Variants in MMP26 observed in about 807,000 individuals in gnomAD.
MMP26 encodes matrix metallopeptidase 26.
Under a neutral mutation model 31.0 loss-of-function variants are expected in MMP26, and 33 were observed. The ratio of observed to expected loss-of-function variants is 1.06; its 90% CI spans 0.81 to 1.42. The LOEUF is 1.42. MMP26 is among the 40% of genes most tolerant of loss of function. MMP26 has a pLI of 0.00. For synonymous variants in MMP26, 122 were observed against 114.9 expected, an observed-to-expected ratio of 1.06 and a Z score of -0.40; for missense variants, 347 against 316.1, an observed-to-expected ratio of 1.10 and a Z score of -0.74.
intron 2 of MMP26, among the ~76,000 whole-genome samples, chr11:4,933,564 T>TG (rs1554892113): frequency 0.046 from 620 of 13,562 alleles, 3 homozygotes; most frequent in African/African-American, 0.075. Flanking sequence ...TTGTTTGTTT[T>TG]GTTTTTTTTA....
chr11:4,967,151 A>G (rs1419353680), intron 2 of MMP26, among the ~76,000 whole-genome samples: 1 of 152,212 alleles, frequency 6.6e-6, no homozygotes, highest in Non-Finnish European at 1.5e-5. Context: ...AGAAGGGTAG[A>G]AGAAAAATTG....
chr11:4,949,148 T>G (rs1371943306), intron 2 of MMP26, among the ~76,000 whole-genome samples: 1 of 124,724 alleles, frequency 8.0e-6, no homozygotes, highest in Non-Finnish European at 1.8e-5. Flanking sequence ...AGTAGCTTAT[T>G]AAATACTTGT....
intron 2 of MMP26, chr11:4,946,179 A>T: frequency 6.2e-7 from 1 of 1,613,950 alleles, no homozygotes; most frequent in Non-Finnish European, 8.5e-7. Context: ...CGTTGACACA[A>T]TTTTGCTACA....
chr11:4,841,806 G>T (rs1849800303), intron 2 of MMP26, among the ~76,000 whole-genome samples: 1 of 152,118 alleles, frequency 6.6e-6, no homozygotes, highest in African/African-American at 2.4e-5. Context: ...GTTTGTGCGT[G>T]CCTGTAATCC....
rs146180954 is a variant in MMP26 at position 4,852,923 on chromosome 11, T to C, written c.-145+85582T>C. On this transcript the variant is annotated intron_variant, in intron 2 of 7. Transcript: ENST00000380390. ...CAACAGCATGGATAAATATGGAGGA[T>C]ATTATGCCAAGTGAAATAAGTCAGA... Among the ~76,000 whole-genome samples the C allele has an allele frequency of 1.4e-3, 216 of 152,288 alleles. 2 individuals are homozygous for C. Among genetic ancestry groups the C allele is most frequent in the African/African-American group, 4.9e-3 (203 of 41,564 alleles).
chr11:4,775,360 T>C (rs1381663472), intron 2 of MMP26, among the ~76,000 whole-genome samples: 4 of 152,210 alleles, frequency 2.6e-5, no homozygotes, highest in African/African-American at 9.6e-5. Flanking sequence ...GTTAATTGTA[T>C]TCCTAGATAT....
chr11:4,736,613 G>T (rs1848243872), intron 1 of MMP26: 3 of 152,192 alleles, frequency 2.0e-5, no homozygotes, highest in Non-Finnish European at 2.9e-5. Flanking sequence ...TGTTTAAGAA[G>T]TAGGGCCAGA....
chr11:4,959,818 C>G, intron 2 of MMP26, among the ~76,000 whole-genome samples: 1 of 152,168 alleles, frequency 6.6e-6, no homozygotes, highest in Admixed American at 6.5e-5. Flanking sequence ...TATACTCATA[C>G]TCTCACAATA....
At chr11:4,937,960 C>A (rs1175560704) in intron 2 of MMP26, 1 of 152,150 alleles carries the variant, frequency 6.6e-6, no homozygotes, top group East Asian at 1.9e-4. Flanking sequence ...AGAGGCTTCA[C>A]TGACTGTAAA....
At chr11:4,906,499 T>C (rs1564804109) in intron 2 of MMP26, among the ~76,000 whole-genome samples, 1 of 152,234 alleles carries the variant, frequency 6.6e-6, no homozygotes, top group Non-Finnish European at 1.5e-5. Context: ...TATTTACTCA[T>C]GTATAAAATG....
intron 2 of MMP26, among the ~76,000 whole-genome samples, chr11:4,772,801 C>G (rs1848743528): frequency 6.6e-6 from 1 of 152,134 alleles, no homozygotes; most frequent in African/African-American, 2.4e-5. Flanking sequence ...AGAAGCTGCA[C>G]ATTTGTGGAG....
intron 2 of MMP26, among the ~76,000 whole-genome samples, chr11:4,931,463 C>T (rs1193861090): frequency 2.6e-5 from 4 of 151,804 alleles, no homozygotes; most frequent in Admixed American, 6.6e-5. Context: ...AGACAAAACA[C>T]GCAAACATAT....
chr11:4,748,379 G>A (rs1164259333), intron 1 of MMP26, among the ~76,000 whole-genome samples: 1 of 151,920 alleles, frequency 6.6e-6, no homozygotes, highest in African/African-American at 2.4e-5. Context: ...AGAAGAGTTG[G>A]TACCAATCCA....
intron 1 of MMP26, among the ~76,000 whole-genome samples, chr11:4,730,675 C>A (rs1388666552): frequency 6.6e-6 from 1 of 152,144 alleles, no homozygotes; most frequent in African/African-American, 2.4e-5. Context: ...GTCTGAGAGA[C>A]CTGGAGCAGT....
chr11:4,795,388 C>A (rs1321416021), intron 2 of MMP26: 2 of 152,080 alleles, frequency 1.3e-5, no homozygotes, highest in African/African-American at 2.4e-5. Flanking sequence ...CTGAAGAGAC[C>A]AACCAAGTAA....
In MMP26 at chr11:4,882,243, C is replaced by T. The variant is rs760343102; in HGVS notation, c.-144-105825C>T. 39 of 1,613,814 alleles carry T rather than the reference C, an allele frequency of 2.4e-5. No homozygotes were observed. The Admixed American group carries it at 2.8e-4, about 12-fold the overall frequency. The stretch of plus-strand genomic sequence containing the variant: ...CATGCTTTCTCCTTGCTGGAGTCCT[C>T]GGTGCTGGTAGCCATGGCCTTTGAC... On this transcript the variant is annotated intron_variant, in intron 2 of 7. Transcript: ENST00000380390.
At chr11:4,878,500 A>C (rs1400309627) in intron 2 of MMP26, among the ~76,000 whole-genome samples, 3 of 152,162 alleles carry the variant, frequency 2.0e-5, no homozygotes, top group Non-Finnish European at 4.4e-5. Context: ...AAGAAATTTC[A>C]TATAAGCTTT....
chr11:4,900,588 A>G (rs2133558204), intron 2 of MMP26, among the ~76,000 whole-genome samples: 1 of 152,308 alleles, frequency 6.6e-6, no homozygotes, highest in East Asian at 1.9e-4. Flanking sequence ...TGCTTATATC[A>G]GAATCTAGCT....
chr11:4,990,811 C>T (rs935574703), intron 5 of MMP26, 65 bp downstream of exon 5: 32 of 1,470,518 alleles, frequency 2.2e-5, no homozygotes, highest in Non-Finnish European at 2.7e-5. Flanking sequence ...GGGTTTCCAT[C>T]CTTAAACAAA....
Sources: gnomAD v4.1 joint callset for allele counts (sites outside exome capture counted in the v4.1 genomes callset) on GRCh38, gnomAD v4.1.1 for gene constraint, MANE v1.5 for transcripts, NCBI Gene and HGNC (gene_info 2026-07-23, HGNC 2026-07-21) for gene names.